TRAPPC3L: variants seen among roughly 807,000 people sequenced by gnomAD.
The protein encoded by TRAPPC3L is trafficking protein particle complex subunit 3-like protein.
In TRAPPC3L, 23 loss-of-function variants were observed where a neutral mutation model predicts 23.7. That is an observed-to-expected ratio of 0.97 (90% CI 0.70 to 1.37). The LOEUF (loss-of-function observed/expected upper bound fraction) is 1.37. Ranked by LOEUF, TRAPPC3L falls within the 40% of genes most tolerant of loss-of-function variation. The pLI is 0.00. For synonymous variants in TRAPPC3L, 81 were observed against 77.9 expected (o/e 1.04, Z -0.21); for missense variants, 212 against 216.8 (o/e 0.98, Z 0.14).
intron 3 of TRAPPC3L, among the ~76,000 whole-genome samples, 173 bp downstream of exon 3, chr6:116,540,190 C>T (rs77903124): frequency 0.04 from 6,101 of 152,220 alleles, 323 homozygotes; most frequent in African/African-American, 0.13. Flanking sequence ...TCTTTCAGTT[C>T]ACAGTAGCTT....
At chr6:116,520,203 T>C (rs1279044550) in intron 3 of TRAPPC3L, 1 of 152,206 alleles carries the variant, frequency 6.6e-6, no homozygotes, top group African/African-American at 2.4e-5. Flanking sequence ...CTCTAAAAAC[T>C]GGTTAAAGCA....
At chr6:116,523,028 TG>T (rs1347663135) in intron 3 of TRAPPC3L, 3 of 126,132 alleles carry the variant, frequency 2.4e-5, no homozygotes, top group East Asian at 5.8e-4. Context: ...TCAGTAGGTC[TG>T]GGGTGAGGCA....
intron 3 of TRAPPC3L, among the ~76,000 whole-genome samples, chr6:116,513,372 G>A (rs1325635749): frequency 6.6e-6 from 1 of 152,138 alleles, no homozygotes; most frequent in African/African-American, 2.4e-5. Context: ...GCTCCCAAAT[G>A]TCTTGTGTCT....
intron 4 of TRAPPC3L, 105 bp downstream of exon 4, chr6:116,500,376 A>G (rs1038660946): frequency 9.5e-7 from 1 of 1,051,564 alleles, no homozygotes; most frequent in Admixed American, 2.9e-5. Flanking sequence ...ACACCATTAG[A>G]TAACCAATAT....
At chr6:116,531,248 T>C (rs1772704363) in intron 3 of TRAPPC3L, among the ~76,000 whole-genome samples, 1 of 151,900 alleles carries the variant, frequency 6.6e-6, no homozygotes, top group Non-Finnish European at 1.5e-5. Flanking sequence ...GGACTTTAAA[T>C]ATGAAACACA....
chr6:116,527,227 A>C (rs1772455806), intron 3 of TRAPPC3L, among the ~76,000 whole-genome samples: 1 of 152,150 alleles, frequency 6.6e-6, no homozygotes, highest in Non-Finnish European at 1.5e-5. Flanking sequence ...TTCTTTATTA[A>C]AGATTCCCGG....
At position 116,508,603 on chromosome 6, in the gene TRAPPC3L, G is replaced by A. The variant is rs183173084; in HGVS notation, c.241-7937C>T. Among the ~76,000 whole-genome samples the A allele has an allele frequency of 4.8e-3, 733 of 152,130 alleles. 5 individuals carry two copies. Among genetic ancestry groups the A allele is most frequent in the African/African-American group, 0.015 (641 of 41,502 alleles). ...AGTAAGCCTAGGAAAGAAATGATGA[G>A]GACTCTTCTCATTTTGACTTTCCTT... is the stretch of plus-strand genomic sequence containing the variant. On this transcript the variant is annotated intron_variant, in intron 3 of 4. Transcript: ENST00000368602.
chr6:116,527,530 A>AC (rs1772480438), intron 3 of TRAPPC3L, among the ~76,000 whole-genome samples: 1 of 151,842 alleles, frequency 6.6e-6, no homozygotes, highest in Non-Finnish European at 1.5e-5. Flanking sequence ...AAAAAAAAAA[A>AC]AAAAAAAAAG....
At position 116,514,191 on chromosome 6, in the gene TRAPPC3L, C is replaced by T. The variant is rs149401928; in HGVS notation, c.241-13525G>A. 6.3e-4 allele frequency among the ~76,000 whole-genome samples: 96 copies of T among 152,076 alleles called. 1 individual carries two copies. In the East Asian group the frequency reaches 0.017, roughly 26 times the overall value. Reference sequence around the variant, plus strand: ...GAGGGAAAGCATCGGTCAATGCAAACGTCATGTGAAAGGGGGAAGGGGACC... The same window carrying T: ...GAGGGAAAGCATCGGTCAATGCAAATGTCATGTGAAAGGGGGAAGGGGACC... On this transcript the variant is annotated intron_variant, in intron 3 of 4. Transcript: ENST00000368602.
At chr6:116,527,757 G>A (rs931481184) in intron 3 of TRAPPC3L, among the ~76,000 whole-genome samples, 1 of 152,276 alleles carries the variant, frequency 6.6e-6, no homozygotes, top group Non-Finnish European at 1.5e-5. Flanking sequence ...CAAAGGCAGA[G>A]CAGCCTAGAT....
In TRAPPC3L at chr6:116,545,657, G is replaced by T; in HGVS notation, c.-143C>A. On this transcript the variant is annotated 5_prime_UTR_variant, in exon 1 of 5. Transcript: ENST00000368602. The stretch of plus-strand genomic sequence containing the variant: ...AGGAGTGCTGCTTCTGCACTCTGCT[G>T]CTTTTGCTCTTTGCTGAGCTGAAGA... 1 of 590,654 alleles carries T rather than the reference G, an allele frequency of 1.7e-6. No homozygotes were observed. Among genetic ancestry groups the T allele is most frequent in the Non-Finnish European group, 2.8e-6 (1 of 359,984 alleles). 36.6% of individuals were successfully genotyped at this position (590,654 alleles called of 1,614,324 possible). A position where few individuals can be genotyped will look rare whatever the true frequency, so the allele number is the denominator to read the frequency against.
chr6:116,500,385 A>C, intron 4 of TRAPPC3L, 96 bp downstream of exon 4: 1 of 1,158,012 alleles, frequency 8.6e-7, no homozygotes. Context: ...GATAACCAAT[A>C]TACCCAGCAA....
intron 3 of TRAPPC3L, chr6:116,515,633 T>A: frequency 6.2e-7 from 1 of 1,613,452 alleles, no homozygotes; most frequent in Non-Finnish European, 8.5e-7. Context: ...TTCAGCGTCT[T>A]TCTTCTCTCT....
chr6:116,510,717 T>C (rs1217168312), intron 3 of TRAPPC3L, among the ~76,000 whole-genome samples: 1 of 152,040 alleles, frequency 6.6e-6, no homozygotes, highest in Non-Finnish European at 1.5e-5. Context: ...TGCACATGTA[T>C]ATTTATTGCA....
At chr6:116,522,020 G>C (rs1040051721) in intron 3 of TRAPPC3L, 2 of 152,162 alleles carry the variant, frequency 1.3e-5, no homozygotes, top group African/African-American at 4.8e-5. Context: ...AGGAGAGAGA[G>C]AGAGATAAAA....
At chr6:116,525,343 C>T (rs1201921037) in intron 3 of TRAPPC3L, among the ~76,000 whole-genome samples, 1 of 152,134 alleles carries the variant, frequency 6.6e-6, no homozygotes, top group Non-Finnish European at 1.5e-5. Context: ...AGCTTTTCAC[C>T]TTGGGTTTCT....
At chr6:116,537,961 T>A (rs1011306617) in intron 3 of TRAPPC3L, among the ~76,000 whole-genome samples, 1 of 152,346 alleles carries the variant, frequency 6.6e-6, no homozygotes, top group Middle Eastern at 3.4e-3. Context: ...ATGGAGAATA[T>A]CCTGGTCGAG....
chr6:116,516,011 A>G (rs1212640555), intron 3 of TRAPPC3L: 1 of 1,564,360 alleles, frequency 6.4e-7, no homozygotes, highest in South Asian at 1.2e-5. Flanking sequence ...TCAATGACTC[A>G]TGGTGTTGAG....
intron 3 of TRAPPC3L, among the ~76,000 whole-genome samples, chr6:116,504,128 G>A (rs552351766): frequency 5.7e-4 from 87 of 152,124 alleles, no homozygotes; most frequent in African/African-American, 1.9e-3. Flanking sequence ...TAGATCTACC[G>A]CTAGCACGAC....
Sources: allele counts gnomAD v4.1 joint callset (sites outside exome capture counted in the v4.1 genomes callset), GRCh38; gene constraint gnomAD v4.1.1; transcripts MANE v1.5; gene names NCBI Gene and HGNC (gene_info 2026-07-23, HGNC 2026-07-21).